Variants in GRIK5 observed in about 807,000 individuals in gnomAD.
The protein encoded by GRIK5 is glutamate receptor ionotropic, kainate 5.
A neutral mutation model predicts 97.4 loss-of-function variants in GRIK5; 43 were observed. That is an observed-to-expected ratio of 0.44 (90% CI 0.35 to 0.57). GRIK5 has a LOEUF of 0.57. GRIK5 is among the 20% of genes least tolerant of loss of function. The pLI is 0.01. For synonymous variants in GRIK5, 580 were observed against 583.5 expected (o/e 0.99, Z 0.09); for missense variants, 1,015 against 1,382.0 (o/e 0.73, Z 4.21).
chr19:42,021,427 C>A lies in GRIK5; in HGVS notation c.1745G>T (p.Arg582Leu). Residue 582 changes from arginine (R) to leucine (L), a missense_variant, in exon 15 of 20, where the codon CGC becomes CTC. By Grantham distance (102) the Arg-to-Leu change is moderately radical. Transcript: ENST00000593562. This position sits in a 1 kb window ranked among gnomAD's most constrained non-coding sequence, Gnocchi z 4.2. Reference sequence around the variant, plus strand: ...GTACTGGTTCTCCAGGATGTGGGGGCGTGCCCGCAGGCATGGGTGTGGGTT... The same window carrying A: ...GTACTGGTTCTCCAGGATGTGGGGGAGTGCCCGCAGGCATGGGTGTGGGTT... Reference protein sequence around the residue: ...WYNPHPCLRARPHILENQYTL... With the variant: ...WYNPHPCLRALPHILENQYTL... 6.2e-7 allele frequency: 1 copy of A among 1,607,476 alleles called. No individual in the cohort carries two copies. Among genetic ancestry groups the A allele is most frequent in the Non-Finnish European group, 8.5e-7 (1 of 1,176,174 alleles).
intron 15 of GRIK5, among the ~76,000 whole-genome samples, chr19:42,018,765 T>C (rs1416219614): frequency 3.2e-5 from 4 of 124,370 alleles, no homozygotes; most frequent in Non-Finnish European, 6.4e-5. Context: ...CAGGAGGCTG[T>C]GGGCTGAGGG....
chr19:42,042,671 G>T lies in GRIK5; in HGVS notation c.1354C>A (p.Arg452=). Reference sequence around the variant, plus strand: ...AAGCGCAGCAGCTCGGCCAGCTCCCGCAGCATGTCCACGCAGAAGCCCTCG... The same window carrying T: ...AAGCGCAGCAGCTCGGCCAGCTCCCTCAGCATGTCCACGCAGAAGCCCTCG... ...RFEGFCVDML[R]ELAELLRFRY... Residue 452 remains arginine, a synonymous_variant, in exon 12 of 20, where the codon CGG becomes AGG. Coordinates refer to ENST00000593562, the MANE Select transcript of GRIK5 (RefSeq NM_002088.5). This position sits in a 1 kb window ranked among gnomAD's most constrained non-coding sequence, Gnocchi z 6.9. 6.2e-7 allele frequency: 1 copy of T among 1,613,478 alleles called. No individual in the cohort carries two copies. The highest frequency in any genetic ancestry group is 1.1e-5 in the South Asian group (1 of 91,076).
intron 12 of GRIK5, among the ~76,000 whole-genome samples, chr19:42,027,536 A>C (rs1349518737): frequency 6.6e-6 from 1 of 152,194 alleles, no homozygotes; most frequent in African/African-American, 2.4e-5. Context: ...GCAATGGAGG[A>C]CATTGCATGA....
intron 5 of GRIK5, among the ~76,000 whole-genome samples, chr19:42,061,240 G>A (rs550231869): frequency 6.6e-6 from 1 of 152,242 alleles, no homozygotes; most frequent in African/African-American, 2.4e-5. Flanking sequence ...GTAGAGACGG[G>A]GTTTCACCAT....
chr19:42,036,553 A>C (rs2075907963), intron 12 of GRIK5, among the ~76,000 whole-genome samples: 1 of 151,940 alleles, frequency 6.6e-6, no homozygotes, highest in Non-Finnish European at 1.5e-5. Flanking sequence ...ATAGGGTTTC[A>C]CCATGTTGCC....
chr19:42,006,921 G>T lies in GRIK5; in HGVS notation c.1872-111C>A, dbSNP rs2075499082. On this transcript the variant is annotated intron_variant, in intron 15 of 19. Coordinates refer to ENST00000593562, the MANE Select transcript of GRIK5 (RefSeq NM_002088.5). The surrounding 1 kb of genome is among the most constrained non-coding windows in gnomAD (Gnocchi z 5.3). Reference sequence around the variant, plus strand: ...TCCCAAGTGACCCCAGCATCTGGAAGACTCAGTGACTGCTGGGTGCAGAAG... The same window carrying T: ...TCCCAAGTGACCCCAGCATCTGGAATACTCAGTGACTGCTGGGTGCAGAAG... 1 of 710,332 alleles carries T rather than the reference G, an allele frequency of 1.4e-6. No individual in the cohort carries two copies. Among genetic ancestry groups the T allele is most frequent in the Non-Finnish European group, 2.3e-6 (1 of 437,434 alleles). 44.0% of individuals were successfully genotyped at this position (710,332 alleles called of 1,614,324 possible).
intron 5 of GRIK5, 145 bp from the exon 6 acceptor site, chr19:42,059,672 T>C: frequency 1.5e-6 from 1 of 655,134 alleles, no homozygotes. Context: ...CATGGGGTAA[T>C]GGGCTTGGGG....
At position 42,021,986 on chromosome 19, in the gene GRIK5, G is replaced by A; in HGVS notation, c.1658C>T (p.Ala553Val). 1 of 1,613,880 alleles carries A rather than the reference G, an allele frequency of 6.2e-7. No individual in the cohort carries two copies. The highest frequency in any genetic ancestry group is 2.2e-5 in the East Asian group (1 of 44,882). The change falls in exon 14 of 20, where the codon GCC (alanine) becomes GTC (valine). Residue 553 changes from alanine (A) to valine (V), a missense_variant. By Grantham distance (64) the Ala-to-Val change is moderately conservative. Transcript: ENST00000593562. The surrounding 1 kb of genome is among the most constrained non-coding windows in gnomAD (Gnocchi z 4.2). The part of the protein sequence containing the change: ...SPAVWLFMLL[A>V]YLAVSCVLFL... ...CAGGACGCAGCTGACAGCCAGGTAGGCAAGAAGCATGAAGAGCCACACAGC... is the reference window on the plus strand; with the variant it reads ...CAGGACGCAGCTGACAGCCAGGTAGACAAGAAGCATGAAGAGCCACACAGC...
chr19:42,048,243 G>A (rs937015628), intron 11 of GRIK5, among the ~76,000 whole-genome samples: 4 of 152,146 alleles, frequency 2.6e-5, no homozygotes, highest in African/African-American at 9.7e-5. Context: ...ATACTACTGA[G>A]AATGAAAAGG....
chr19:42,021,464 A>AG lies in GRIK5; in HGVS notation c.1707dup (p.Tyr570LeufsTer2). 1 of 1,574,016 alleles carries AG rather than the reference A, an allele frequency of 6.4e-7. No individual in the cohort carries two copies. Among genetic ancestry groups the AG allele is most frequent in the African/African-American group, 1.3e-5 (1 of 74,242 alleles). On this transcript the variant is annotated frameshift_variant, in exon 15 of 20. Transcript: ENST00000593562. LOFTEE classifies it high-confidence loss of function. The surrounding 1 kb of genome is among the most constrained non-coding windows in gnomAD (Gnocchi z 4.2). ...CATGGGTGTGGGTTATACCACTCAT[A>AG]GGGGCTCAGCCTGTGGAGAGACGTG...
At chr19:42,014,526 T>C (rs2075602696) in intron 15 of GRIK5, among the ~76,000 whole-genome samples, 1 of 152,204 alleles carries the variant, frequency 6.6e-6, no homozygotes. Flanking sequence ...CTCATGCCTG[T>C]AATCCCAGCA....
In GRIK5 at chr19:42,021,898, G is replaced by A. The variant is rs765361072; in HGVS notation, c.1697+49C>T. 1.2e-5 allele frequency: 16 copies of A among 1,313,444 alleles called. No homozygotes were observed. The highest frequency in any genetic ancestry group is 1.0e-4 in the African/African-American group (7 of 68,804). The allele number at this position is 1,313,444 out of a possible 1,614,324, so 81.4% of individuals were successfully genotyped here. On this transcript the variant is annotated intron_variant, in intron 14 of 19. Transcript: ENST00000593562. This position sits in a 1 kb window ranked among gnomAD's most constrained non-coding sequence, Gnocchi z 4.2. ...GAGGCAGGTCGGTCCCAGAGGCCTC[G>A]GCTCGTGCCTCCTCCAGCCCCTTCC... is the stretch of plus-strand genomic sequence containing the variant.
chr19:42,051,184 T>C (rs1382557417), intron 11 of GRIK5, among the ~76,000 whole-genome samples: 1 of 152,092 alleles, frequency 6.6e-6, no homozygotes, highest in African/African-American at 2.4e-5. Context: ...TCTCCAAGAC[T>C]GGGGCGAGAC....
Position 42,006,691 on chromosome 19 carries a change from A to T in GRIK5, c.1991T>A (p.Ile664Asn). The T allele has an allele frequency of 6.2e-7, 1 of 1,613,958 alleles. No individual in the cohort carries two copies. The highest frequency in any genetic ancestry group is 8.5e-7 in the Non-Finnish European group (1 of 1,179,960). Residue 664 changes from isoleucine (I) to asparagine (N), a missense_variant, in exon 16 of 20, where the codon ATC (isoleucine) becomes AAC (asparagine). Physicochemically the swap from Ile to Asn is moderately radical, Grantham distance 149. This residue lies in a region of GRIK5 where 477 missense variants were observed against 701.1 expected (regional missense o/e 0.68). Coordinates refer to ENST00000593562, the MANE Select transcript of GRIK5 (RefSeq NM_002088.5). This position sits in a 1 kb window ranked among gnomAD's most constrained non-coding sequence, Gnocchi z 5.3. ...SADDLADQTN[I>N]EYGTIHAGST... ...GCCGGCGTGGATGGTGCCATACTCGATGTTGGTCTGATCTGCCAGGTCATC... is the reference window on the plus strand; with the variant it reads ...GCCGGCGTGGATGGTGCCATACTCGTTGTTGGTCTGATCTGCCAGGTCATC...
Position 41,999,055 on chromosome 19 carries a change from C to A in GRIK5, c.2759G>T (p.Arg920Leu). The change falls in exon 20 of 20, where the codon CGA (arginine) becomes CTA (leucine). Residue 920 changes from arginine to leucine, a missense_variant. Physicochemically the swap from Arg to Leu is moderately radical, Grantham distance 102. This residue lies in a region of GRIK5 where 109 missense variants were observed against 100.4 expected (regional missense o/e 1.09). Transcript: ENST00000593562. This position sits in a 1 kb window ranked among gnomAD's most constrained non-coding sequence, Gnocchi z 5.0. The part of the protein sequence containing the change: ...LDDPGPPSGA[R>L]PAAPTPCTHV... ...GGTGCAGGGGGTGGGGGCGGCGGGT[C>A]GGGCTCCGCTGGGGGGCCCCGGGTC... 1.1e-6 allele frequency: 1 copy of A among 934,460 alleles called. No homozygotes were observed. Among genetic ancestry groups the A allele is most frequent in the East Asian group, 3.9e-5 (1 of 25,542 alleles). 57.9% of individuals were successfully genotyped at this position (934,460 alleles called of 1,614,324 possible).
At chr19:42,014,295 G>A (rs1296398721) in intron 15 of GRIK5, among the ~76,000 whole-genome samples, 1 of 152,050 alleles carries the variant, frequency 6.6e-6, no homozygotes, top group East Asian at 1.9e-4. Flanking sequence ...TTGGGAGGCT[G>A]AGGCAGGAGA....
chr19:42,043,168 G>A (rs923073993), intron 11 of GRIK5, among the ~76,000 whole-genome samples: 13 of 152,106 alleles, frequency 8.5e-5, no homozygotes, highest in Non-Finnish European at 1.8e-4. Flanking sequence ...ACCCACACAT[G>A]AACACACGTA....
Position 42,005,942 on chromosome 19 carries a change from G to A in GRIK5, c.2044C>T (p.Arg682Trp), listed in dbSNP as rs782101810. ...GSTMTFFQNSRYQTYQRMWNY... is the reference protein window; with the variant it reads ...GSTMTFFQNSWYQTYQRMWNY... Reference sequence around the variant, plus strand: ...CACATGCGCTGGTACGTTTGGTACCGTGAATTCTGGGCAGGAGGATCACAA... The same window carrying A: ...CACATGCGCTGGTACGTTTGGTACCATGAATTCTGGGCAGGAGGATCACAA... The change falls in exon 17 of 20, where the codon CGG becomes TGG. Residue 682 changes from arginine to tryptophan, a missense_variant. Arg to Trp is a moderately radical substitution (Grantham distance 101, BLOSUM62 -3). Around this residue, in one of 5 missense-constraint regions of GRIK5, gnomAD observed 229 missense variants for 341.0 expected, o/e 0.67. Coordinates refer to ENST00000593562, the MANE Select transcript of GRIK5 (RefSeq NM_002088.5). 9.9e-6 allele frequency: 15 copies of A among 1,520,488 alleles called. No homozygotes were observed. Among genetic ancestry groups the A allele is most frequent in the Non-Finnish European group, 1.3e-5 (14 of 1,103,456 alleles). 94.2% of individuals were successfully genotyped at this position (1,520,488 alleles called of 1,614,324 possible).
chr19:42,006,852 T>TG lies in GRIK5; in HGVS notation c.1872-43dup. 6.7e-7 allele frequency: 1 copy of TG among 1,490,284 alleles called. No individual in the cohort carries two copies. Among genetic ancestry groups the TG allele is most frequent in the Non-Finnish European group, 9.0e-7 (1 of 1,106,280 alleles). The allele number at this position is 1,490,284 out of a possible 1,614,324, so 92.3% of individuals were successfully genotyped here. On this transcript the variant is annotated intron_variant, in intron 15 of 19. Coordinates refer to ENST00000593562, the MANE Select transcript of GRIK5 (RefSeq NM_002088.5). This position sits in a 1 kb window ranked among gnomAD's most constrained non-coding sequence, Gnocchi z 5.3. ...GTGAGTCACGGGCTGGAGTCACCCC[T>TG]GCTGACCTGCCCCCGTGGCCATGCC...
Sources: allele counts gnomAD v4.1 joint callset (sites outside exome capture counted in the v4.1 genomes callset), GRCh38; gene constraint gnomAD v4.1.1; regional missense constraint gnomAD v4.1.1; non-coding constraint Gnocchi (gnomAD v3.1); transcripts MANE v1.5; gene names NCBI Gene and HGNC (gene_info 2026-07-23, HGNC 2026-07-21).